The following CEP57L1 variants were observed in gnomAD, a reference collection of about 807,000 sequenced individuals.
CEP57L1 encodes the protein centrosomal protein 57 like 1.
Under a neutral mutation model 61.0 loss-of-function variants are expected in CEP57L1, and 37 were observed. The observed-to-expected ratio is 0.61, with a 90% CI of 0.47 to 0.80. The LOEUF is 0.80. CEP57L1 is among the 30% of genes least tolerant of loss of function. The pLI is 0.00. For synonymous variants in CEP57L1, 137 were observed against 162.3 expected (o/e 0.84, Z 1.19); for missense variants, 422 against 524.7 (o/e 0.80, Z 1.91).
intron 1 of CEP57L1, among the ~76,000 whole-genome samples, chr6:109,142,972 TC>T (rs1562113161): frequency 1.7e-5 from 2 of 117,002 alleles, no homozygotes; most frequent in African/African-American, 3.1e-5. Context: ...TCTCTCTCTC[TC>T]TCTCTCTCTC....
chr6:109,149,430 G>A (rs571326055), intron 3 of CEP57L1, among the ~76,000 whole-genome samples: 5 of 152,270 alleles, frequency 3.3e-5, no homozygotes, highest in African/African-American at 1.2e-4. Flanking sequence ...GATGGTTGTA[G>A]ATATGCGGCA....
intron 4 of CEP57L1, 45 bp from the exon 5 acceptor site, chr6:109,153,788 T>C (rs1772917466): frequency 9.4e-7 from 1 of 1,060,542 alleles, no homozygotes; most frequent in African/African-American, 1.6e-5. Flanking sequence ...CCATTGGCAT[T>C]ACTTGCCAAA....
At chr6:109,127,811 G>C (rs1268917832) in intron 1 of CEP57L1, among the ~76,000 whole-genome samples, 2 of 150,386 alleles carry the variant, frequency 1.3e-5, no homozygotes, top group African/African-American at 4.9e-5. Context: ...TTAATTTTTA[G>C]TAGAGACGAG....
At chr6:109,133,341 T>A (rs1562534989) in intron 1 of CEP57L1, among the ~76,000 whole-genome samples, 1 of 152,160 alleles carries the variant, frequency 6.6e-6, no homozygotes. Context: ...CCTAGATCCC[T>A]GATATGCGCA....
At chr6:109,155,974 G>A (rs549180097) in intron 7 of CEP57L1, 97 bp downstream of exon 7, 50 of 564,366 alleles carry the variant, frequency 8.9e-5, no homozygotes, top group African/African-American at 7.4e-4. Context: ...AAAAGGATTT[G>A]AAGATATAAA....
At chr6:109,124,703 C>T (rs553396394) in intron 1 of CEP57L1, among the ~76,000 whole-genome samples, 1 of 152,296 alleles carries the variant, frequency 6.6e-6, no homozygotes, top group East Asian at 1.9e-4. Flanking sequence ...TACCCATTCT[C>T]TCACTTTCTT....
Position 109,152,362 on chromosome 6 carries a change from A to G in CEP57L1, c.463-1471A>G, listed in dbSNP as rs185754656. ...CACCCAGCTAACTTTTTGTATTTTT[A>G]GTAGAGACAGGGTTTTGCCATGTTG... On this transcript the variant is annotated intron_variant, in intron 4 of 10. Transcript: ENST00000517392. Among the ~76,000 whole-genome samples, 555 of 152,110 alleles carry G rather than the reference A, an allele frequency of 3.6e-3. 2 individuals carry two copies. The highest frequency in any genetic ancestry group is 0.027 in the Middle Eastern group (8 of 294).
chr6:109,095,187 T>G, upstream of CEP57L1: 1 of 985,516 alleles, frequency 1.0e-6, no homozygotes, highest in Non-Finnish European at 1.2e-6. Flanking sequence ...GCGCTAAGCT[T>G]GCGCCCTGAG....
At position 109,171,140 on chromosome 6, in the gene CEP57L1, G is replaced by A. The variant is rs534167949; in HGVS notation, c.*8170G>A. 1.3e-5 allele frequency among the ~76,000 whole-genome samples: 2 copies of A among 152,058 alleles called. No homozygotes were observed. Among genetic ancestry groups the A allele is most frequent in the Admixed American group, 6.5e-5 (1 of 15,288 alleles). Reference sequence around the variant, plus strand: ...TGTTCTTTTACAGAATGGCTCTCAAGTCGAAAGAGGGCTGTGCCTTTGGTG... The same window carrying A: ...TGTTCTTTTACAGAATGGCTCTCAAATCGAAAGAGGGCTGTGCCTTTGGTG... On this transcript the variant is annotated 3_prime_UTR_variant, in exon 11 of 11. Coordinates refer to ENST00000517392, the MANE Select transcript of CEP57L1 (RefSeq NM_001271852.3).
intron 1 of CEP57L1, among the ~76,000 whole-genome samples, chr6:109,096,348 C>T (rs1046375042): frequency 6.6e-6 from 1 of 152,138 alleles, no homozygotes; most frequent in African/African-American, 2.4e-5. Context: ...AGTTGTTAGA[C>T]ATACGGTTAC....
Position 109,172,649 on chromosome 6 carries a change from A to G in CEP57L1, c.*9679A>G, listed in dbSNP as rs916696169. Reference sequence around the variant, plus strand: ...GCTTACCTATCATGGCCTCTGGTTAAGGTGTCAGTCTTGCCTCCAAATTTC... The same window carrying G: ...GCTTACCTATCATGGCCTCTGGTTAGGGTGTCAGTCTTGCCTCCAAATTTC... On this transcript the variant is annotated 3_prime_UTR_variant, in exon 11 of 11. Transcript: ENST00000517392. Among the ~76,000 whole-genome samples, 3 of 152,188 alleles carry G rather than the reference A, an allele frequency of 2.0e-5. No individual in the cohort carries two copies. The highest frequency in any genetic ancestry group is 7.2e-5 in the African/African-American group (3 of 41,454).
chr6:109,107,773 T>G (rs769346918), intron 1 of CEP57L1, among the ~76,000 whole-genome samples: 2 of 151,946 alleles, frequency 1.3e-5, no homozygotes, highest in African/African-American at 2.4e-5. Context: ...AAACCCTGTC[T>G]CTAATAAAAA....
intron 3 of CEP57L1, 65 bp downstream of exon 3, chr6:109,147,002 C>A (rs1254237565): frequency 1.5e-6 from 2 of 1,344,212 alleles, no homozygotes; most frequent in African/African-American, 3.0e-5. Flanking sequence ...AAATAATAAA[C>A]CTAGTCTAAG....
intron 1 of CEP57L1, among the ~76,000 whole-genome samples, chr6:109,101,112 A>G (rs530678567): frequency 6.6e-6 from 1 of 152,358 alleles, no homozygotes; most frequent in East Asian, 1.9e-4. Context: ...GTCTTAGGAA[A>G]AAAACAAAAC....
At chr6:109,105,403 TATAGTGAATATTGGC>T (rs1770807141) in intron 1 of CEP57L1, among the ~76,000 whole-genome samples, 1 of 152,226 alleles carries the variant, frequency 6.6e-6, no homozygotes, top group Non-Finnish European at 1.5e-5. Flanking sequence ...GATAGCACTG[TATAGTGAATATTGGC>T]ATAGTGAATA....
At chr6:109,102,538 C>T (rs933381360) in intron 1 of CEP57L1, among the ~76,000 whole-genome samples, 4 of 152,058 alleles carry the variant, frequency 2.6e-5, no homozygotes, top group Non-Finnish European at 2.9e-5. Context: ...TCATGCTTTT[C>T]GTGTTGTAGC....
At chr6:109,101,879 A>G (rs1029533366) in intron 1 of CEP57L1, among the ~76,000 whole-genome samples, 7 of 151,830 alleles carry the variant, frequency 4.6e-5, no homozygotes, top group Non-Finnish European at 1.0e-4. Flanking sequence ...TCGGCCTCCC[A>G]AAGTGCTGGG....
intron 1 of CEP57L1, among the ~76,000 whole-genome samples, chr6:109,122,316 C>G (rs1773067634): frequency 6.6e-6 from 1 of 152,132 alleles, no homozygotes; most frequent in Non-Finnish European, 1.5e-5. Context: ...CAGATGGAGA[C>G]TTTCAGGTTT....
At chr6:109,144,479 G>T (rs1484871227) in intron 1 of CEP57L1, among the ~76,000 whole-genome samples, 1 of 151,978 alleles carries the variant, frequency 6.6e-6, no homozygotes, top group African/African-American at 2.4e-5. Context: ...TTAAAAAATA[G>T]AATACATTTC....
Sources: allele counts gnomAD v4.1 joint callset (sites outside exome capture counted in the v4.1 genomes callset), GRCh38; gene constraint gnomAD v4.1.1; transcripts MANE v1.5; gene names NCBI Gene and HGNC (gene_info 2026-07-23, HGNC 2026-07-21).